The following CLIC5 variants were observed in gnomAD, a reference collection of about 807,000 sequenced individuals.
CLIC5 encodes the protein chloride intracellular channel protein 5.
Under a neutral mutation model 24.7 loss-of-function variants are expected in CLIC5, and 20 were observed. The observed-to-expected ratio is 0.81, with a 90% CI of 0.57 to 1.18. The LOEUF (loss-of-function observed/expected upper bound fraction) is 1.18. CLIC5 is among the 50% of genes most tolerant of loss of function. CLIC5 has a pLI of 0.00. For missense variants in CLIC5, 341 were observed against 326.1 expected (o/e 1.05, Z -0.35); for synonymous variants, 159 against 135.6 (o/e 1.17, Z -1.20).
chr6:45,973,228 C>G (rs780740888), intron 1 of CLIC5, among the ~76,000 whole-genome samples: 1 of 152,122 alleles, frequency 6.6e-6, no homozygotes, highest in Non-Finnish European at 1.5e-5. Flanking sequence ...GACCCTACCT[C>G]CAGGGGTTAA....
At chr6:45,997,512 G>GAAAAAAAAAAAAAA (rs201284615) in intron 1 of CLIC5, among the ~76,000 whole-genome samples, 4 of 130,246 alleles carry the variant, frequency 3.1e-5, no homozygotes, top group Admixed American at 8.2e-5. Flanking sequence ...AATAATAAAA[G>GAAAAAAAAAAAAAA]AAAAAAAAAA....
chr6:45,921,981 G>A (rs1041731208), intron 4 of CLIC5, among the ~76,000 whole-genome samples: 1 of 152,150 alleles, frequency 6.6e-6, no homozygotes, highest in African/African-American at 2.4e-5. Flanking sequence ...CCAGGCCTCC[G>A]TTTCTAGGCA....
chr6:46,090,224 C>A, the CLIC5 span, among the ~76,000 whole-genome samples: 39 of 152,120 alleles, frequency 2.6e-4, 1 homozygote, highest in East Asian at 7.1e-3. Context: ...CTTGAAATAT[C>A]CAAGAAGGGA....
In CLIC5 at chr6:46,078,664, G is replaced by C. The variant is rs141909853; in HGVS notation, c.540+1039C>G. 3.6e-4 allele frequency among the ~76,000 whole-genome samples: 55 copies of C among 152,286 alleles called. 1 individual carries two copies. Among genetic ancestry groups the C allele is most frequent in the Middle Eastern group, 6.8e-3 (2 of 294 alleles). On this transcript the variant is annotated intron_variant, in intron 1 of 5. Transcript: ENST00000185206. ...GCCCTTTCCCCCCAAATGCTCAGCA[G>C]AGTACAAGGCAATGTGTGTCTGGTA... is the stretch of plus-strand genomic sequence containing the variant.
chr6:45,905,151 T>C (rs1378098087), intron 5 of CLIC5, among the ~76,000 whole-genome samples: 1 of 152,234 alleles, frequency 6.6e-6, no homozygotes, highest in Admixed American at 6.5e-5. Flanking sequence ...GTTGATTTCA[T>C]GTCTTTGCTA....
At chr6:45,962,385 AGAG>A (rs1179489079) in intron 1 of CLIC5, among the ~76,000 whole-genome samples, 1 of 151,380 alleles carries the variant, frequency 6.6e-6, no homozygotes, top group Non-Finnish European at 1.5e-5. Flanking sequence ...CCATTTCTTC[AGAG>A]GAGGGGGTCA....
chr6:45,930,397 T>C (rs1203619745), intron 4 of CLIC5, among the ~76,000 whole-genome samples: 4 of 152,286 alleles, frequency 2.6e-5, no homozygotes, highest in East Asian at 3.9e-4. Flanking sequence ...GGACCTCCTA[T>C]GGTAGATCCG....
At chr6:46,085,152 G>C, upstream of CLIC5, among the ~76,000 whole-genome samples, 1 of 152,038 alleles carries the variant, frequency 6.6e-6, no homozygotes, top group Admixed American at 6.5e-5. Context: ...TCTCTGTATT[G>C]GTTATTCTAG....
chr6:46,039,095 A>G (rs1453451756), intron 1 of CLIC5, among the ~76,000 whole-genome samples: 1 of 152,220 alleles, frequency 6.6e-6, no homozygotes, highest in Non-Finnish European at 1.5e-5. Flanking sequence ...ATTCATGCAT[A>G]GAAAGCCAAA....
At chr6:46,084,221 C>T (rs12213628), upstream of CLIC5, among the ~76,000 whole-genome samples, 19,945 of 151,874 alleles carry the variant, frequency 0.13, 1,781 homozygotes, top group South Asian at 0.32. Context: ...GGTCTTGACT[C>T]TTTATCCAAT....
rs1763212894 is a variant in CLIC5, at chr6:45,920,474, A to T, written c.407-6065T>A. ...ATGTTGATATAACCAAAGGGTGCAA[A>T]AAAAGTACAGTGGTGGTTTGAGAAA... On this transcript the variant is annotated intron_variant, in intron 4 of 5. Transcript: ENST00000339561. 1.4e-5 allele frequency: 5 copies of T among 348,740 alleles called. No homozygotes were observed. The South Asian group carries it at 4.7e-4, about 33-fold the overall frequency. The allele number at this position is 348,740 out of a possible 1,614,324, so 21.6% of individuals were successfully genotyped here. A position where few individuals can be genotyped will look rare whatever the true frequency, so the allele number is the denominator to read the frequency against.
At chr6:46,123,631 G>A in the CLIC5 span, among the ~76,000 whole-genome samples, 5 of 152,104 alleles carry the variant, frequency 3.3e-5, no homozygotes, top group Non-Finnish European at 7.4e-5. Context: ...TAGGAAAAGA[G>A]GAAGTCAAAT....
chr6:46,105,459 C>A, the CLIC5 span, among the ~76,000 whole-genome samples: 3 of 152,110 alleles, frequency 2.0e-5, no homozygotes, highest in Admixed American at 2.0e-4. Context: ...TCAACTGAAA[C>A]CTCTTTTAAA....
At chr6:46,018,837 A>G (rs920776409), upstream of CLIC5, 3 of 152,230 alleles carry the variant, frequency 2.0e-5, no homozygotes, top group Non-Finnish European at 4.4e-5. Context: ...AATCTGTGTG[A>G]CATTCATATT....
chr6:45,905,430 G>A (rs2127296710), intron 5 of CLIC5, among the ~76,000 whole-genome samples: 1 of 145,044 alleles, frequency 6.9e-6, no homozygotes, highest in African/African-American at 2.6e-5. Flanking sequence ...TGAGGGAGGT[G>A]TCTCCTTGTG....
At chr6:45,893,233 T>A (rs1442131444) in intron 6 of CLIC5, among the ~76,000 whole-genome samples, 1 of 149,878 alleles carries the variant, frequency 6.7e-6, no homozygotes, top group African/African-American at 2.5e-5. Flanking sequence ...CACCCTGGTT[T>A]TTTTTTTTTG....
intron 1 of CLIC5, among the ~76,000 whole-genome samples, chr6:45,958,516 T>G: frequency 7.1e-6 from 1 of 140,956 alleles, no homozygotes; most frequent in Non-Finnish European, 1.5e-5. Context: ...TGATTCTGCT[T>G]TGAACATGAT....
intron 1 of CLIC5, among the ~76,000 whole-genome samples, chr6:45,971,349 G>A (rs893230423): frequency 1.1e-4 from 16 of 152,262 alleles, no homozygotes; most frequent in East Asian, 1.9e-4. Context: ...TGAAGGTGCC[G>A]AACAGGGTTG....
rs146498822 is a variant in CLIC5 at position 46,069,849 on chromosome 6, C to T, written c.540+9854G>A. On this transcript the variant is annotated intron_variant, in intron 1 of 5. Transcript: ENST00000185206. Reference sequence around the variant, plus strand: ...CAAAATACTGGCAAACTGAATTCAGCAGCACATCAAAAAGCTTATCCACCA... The same window carrying T: ...CAAAATACTGGCAAACTGAATTCAGTAGCACATCAAAAAGCTTATCCACCA... Among the ~76,000 whole-genome samples, 1,021 of 152,242 alleles carry T rather than the reference C, an allele frequency of 6.7e-3. 5 individuals are homozygous for T. Among genetic ancestry groups the T allele is most frequent in the Non-Finnish European group, 0.012 (817 of 68,020 alleles).
Sources: allele counts gnomAD v4.1 joint callset (sites outside exome capture counted in the v4.1 genomes callset), GRCh38; gene constraint gnomAD v4.1.1; transcripts MANE v1.5; gene names NCBI Gene and HGNC (gene_info 2026-07-23, HGNC 2026-07-21).